MGAT4C: variants seen among roughly 807,000 people sequenced by gnomAD.
MGAT4C encodes alpha-1,3-mannosyl-glycoprotein 4-beta-N-acetylglucosaminyltransferase C.
MGAT4C carries 19 observed loss-of-function variants against 40.1 expected under a neutral mutation model. The ratio of observed to expected loss-of-function variants is 0.47; its 90% CI spans 0.33 to 0.70. The LOEUF is 0.70. Among genes scored for constraint, MGAT4C ranks in the 30% least tolerant of loss-of-function variants. MGAT4C has a pLI of 0.02. For synonymous variants in MGAT4C, 181 were observed against 187.1 expected (o/e 0.97, Z 0.27); for missense variants, 491 against 563.2 (o/e 0.87, Z 1.30).
At chr12:86,314,856 C>T (rs185254702) in intron 4 of MGAT4C, among the ~76,000 whole-genome samples, 3 of 152,184 alleles carry the variant, frequency 2.0e-5, no homozygotes, top group Non-Finnish European at 1.5e-5. Context: ...GTTGCTTAAA[C>T]AAATGGAAAA....
intron 1 of MGAT4C, among the ~76,000 whole-genome samples, chr12:86,759,268 G>GT (rs1428563808): frequency 6.6e-6 from 1 of 152,122 alleles, no homozygotes; most frequent in Non-Finnish European, 1.5e-5. Context: ...ATACCATGGT[G>GT]TTTTTTATCC....
intron 1 of MGAT4C, among the ~76,000 whole-genome samples, chr12:86,795,958 C>T (rs761864233): frequency 2.0e-5 from 3 of 152,022 alleles, no homozygotes; most frequent in Non-Finnish European, 2.9e-5. Flanking sequence ...AAGAGAGCAA[C>T]GTAAGACTGG....
At chr12:86,658,971 A>C (rs1963915520) in intron 2 of MGAT4C, among the ~76,000 whole-genome samples, 1 of 152,098 alleles carries the variant, frequency 6.6e-6, no homozygotes, top group Non-Finnish European at 1.5e-5. Flanking sequence ...TGAACACCAG[A>C]GGGAAGACAA....
In MGAT4C at chr12:85,966,928, G is replaced by C. The variant is rs1168332962; in HGVS notation, c.*12361C>G. On this transcript the variant is annotated 3_prime_UTR_variant, in exon 5 of 5. Transcript: ENST00000611864. ...GGGGAGGGGGGAGGGATAGCATTAGGAGATATACCTAATGTTAAATGACGA... is the reference window on the plus strand; with the variant it reads ...GGGGAGGGGGGAGGGATAGCATTAGCAGATATACCTAATGTTAAATGACGA... 6.6e-6 allele frequency: 1 copy of C among 151,834 alleles called. No individual in the cohort carries two copies. The highest frequency in any genetic ancestry group is 1.5e-5 in the Non-Finnish European group (1 of 67,968). 9.4% of individuals were successfully genotyped at this position (151,834 alleles called of 1,614,324 possible).
chr12:86,238,492 G>A (rs909170893), intron 1 of MGAT4C, among the ~76,000 whole-genome samples: 1 of 152,010 alleles, frequency 6.6e-6, no homozygotes, highest in Non-Finnish European at 1.5e-5. Context: ...CATGGTTTCA[G>A]GGTTAGCAGT....
intron 3 of MGAT4C, among the ~76,000 whole-genome samples, chr12:86,390,745 TA>T (rs145731111): frequency 5.9e-5 from 9 of 152,138 alleles, no homozygotes; most frequent in African/African-American, 1.9e-4. Flanking sequence ...TAATTTGATT[TA>T]AAAAAATGAA....
intron 3 of MGAT4C, among the ~76,000 whole-genome samples, chr12:86,399,106 G>C (rs1383988052): frequency 2.0e-5 from 3 of 152,056 alleles, no homozygotes; most frequent in African/African-American, 7.2e-5. Context: ...GAGTAGCTGG[G>C]ACTACAGGCA....
At chr12:86,119,572 T>C (rs1879020235) in intron 1 of MGAT4C, among the ~76,000 whole-genome samples, 1 of 151,786 alleles carries the variant, frequency 6.6e-6, no homozygotes, top group South Asian at 2.1e-4. Flanking sequence ...GATGCCCGGC[T>C]AATTTTTTGT....
intron 1 of MGAT4C, among the ~76,000 whole-genome samples, chr12:86,126,853 G>T (rs1484307181): frequency 6.6e-6 from 1 of 152,144 alleles, no homozygotes; most frequent in Non-Finnish European, 1.5e-5. Flanking sequence ...CCGGTTTTGG[G>T]GAAGACAATT....
intron 2 of MGAT4C, among the ~76,000 whole-genome samples, chr12:86,473,918 A>T (rs774714145): frequency 6.6e-6 from 1 of 152,156 alleles, no homozygotes; most frequent in Admixed American, 6.5e-5. Flanking sequence ...TCACTGTGCA[A>T]CAGAAAGCAG....
chr12:86,768,280 G>A (rs992343264), intron 1 of MGAT4C, among the ~76,000 whole-genome samples: 10 of 152,052 alleles, frequency 6.6e-5, no homozygotes, highest in Admixed American at 3.3e-4. Flanking sequence ...GCTTCACAGA[G>A]AATAAAATAC....
chr12:86,177,088 C>T (rs1007656145), intron 1 of MGAT4C, among the ~76,000 whole-genome samples: 1 of 151,612 alleles, frequency 6.6e-6, no homozygotes, highest in African/African-American at 2.4e-5. Context: ...GTCAGAATAC[C>T]AGCTTACTAA....
intron 2 of MGAT4C, among the ~76,000 whole-genome samples, chr12:86,684,696 G>A (rs1398485877): frequency 6.6e-6 from 1 of 151,852 alleles, no homozygotes; most frequent in Non-Finnish European, 1.5e-5. Flanking sequence ...AGGATCTGTT[G>A]TTTCCTGACT....
chr12:86,253,935 AT>A (rs1592596097), intron 1 of MGAT4C, among the ~76,000 whole-genome samples: 1 of 152,024 alleles, frequency 6.6e-6, no homozygotes, highest in African/African-American at 2.4e-5. Context: ...TTGAGGAGTC[AT>A]TTTCAAAAGA....
intron 2 of MGAT4C, among the ~76,000 whole-genome samples, chr12:86,573,047 T>A (rs929184887): frequency 1.3e-5 from 2 of 152,036 alleles, no homozygotes; most frequent in Non-Finnish European, 2.9e-5. Flanking sequence ...TGTTTTTTTT[T>A]CCTCCAGCGT....
At chr12:86,338,458 C>T (rs1289257161) in intron 3 of MGAT4C, among the ~76,000 whole-genome samples, 1 of 152,150 alleles carries the variant, frequency 6.6e-6, no homozygotes, top group Admixed American at 6.6e-5. Flanking sequence ...TGGCTAATTT[C>T]TTAGTCCTAC....
chr12:86,164,845 T>C (rs187076125), intron 1 of MGAT4C, among the ~76,000 whole-genome samples: 24 of 152,144 alleles, frequency 1.6e-4, no homozygotes, highest in Admixed American at 3.3e-4. Flanking sequence ...TTTAATGAGA[T>C]TGGACGTGAA....
At chr12:86,339,409 C>T (rs1323399364) in intron 3 of MGAT4C, among the ~76,000 whole-genome samples, 1 of 152,012 alleles carries the variant, frequency 6.6e-6, no homozygotes, top group Non-Finnish European at 1.5e-5. Context: ...AGAGTAGCTT[C>T]AATTAGGAAA....
rs1283980904 is a variant in MGAT4C at position 86,419,301 on chromosome 12, C to T, written c.-120+15856G>A. 2.0e-5 allele frequency among the ~76,000 whole-genome samples: 3 copies of T among 151,920 alleles called. No homozygotes were observed. The East Asian group carries it at 5.8e-4, about 29-fold the overall frequency. On this transcript the variant is annotated intron_variant, in intron 3 of 7. Coordinates refer to the MGAT4C transcript ENST00000548651. ...TGCTCAAAGTCCTTTATCCAAAACC[C>T]TAATTCCAAGGACTTGAACCAGTCA...
Sources: allele counts gnomAD v4.1 joint callset (sites outside exome capture counted in the v4.1 genomes callset), GRCh38; gene constraint gnomAD v4.1.1; transcripts MANE v1.5; gene names NCBI Gene and HGNC (gene_info 2026-07-23, HGNC 2026-07-21).